The following GPHN variants were observed in gnomAD, a reference collection of about 807,000 sequenced individuals.
GPHN encodes the protein gephyrin.
GPHN carries 17 observed loss-of-function variants against 95.5 expected under a neutral mutation model. That is an observed-to-expected ratio of 0.18 (90% confidence interval 0.12 to 0.27). The LOEUF (loss-of-function observed/expected upper bound fraction) is 0.27. Among genes scored for constraint, GPHN ranks in the 10% least tolerant of loss-of-function variants. The pLI, the probability that GPHN is intolerant of heterozygous loss-of-function variation, is 1.00. For synonymous variants in GPHN, 320 were observed against 322.5 expected, an observed-to-expected ratio of 0.99 and a Z score of 0.08; for missense variants, 660 against 978.1, an observed-to-expected ratio of 0.67 and a Z score of 4.34.
At chr14:66,691,762 T>C (rs2067797542) in intron 2 of GPHN, among the ~76,000 whole-genome samples, 1 of 152,112 alleles carries the variant, frequency 6.6e-6, no homozygotes, top group Admixed American at 6.5e-5. Flanking sequence ...AGCTAAATAA[T>C]TTATCAGTAT....
the GPHN span, among the ~76,000 whole-genome samples, chr14:67,700,128 G>GA: frequency 2.3e-4 from 33 of 141,954 alleles, no homozygotes; most frequent in Admixed American, 3.5e-4. Flanking sequence ...GACAGAGCGA[G>GA]AAAAAAAAAA....
chr14:67,086,377 C>T (rs951772455), intron 11 of GPHN, among the ~76,000 whole-genome samples: 5 of 152,106 alleles, frequency 3.3e-5, no homozygotes, highest in Non-Finnish European at 5.9e-5. Context: ...TCTGGTCGGG[C>T]GCGGTGGCTC....
the GPHN span, among the ~76,000 whole-genome samples, chr14:67,187,586 T>C: frequency 6.6e-6 from 1 of 152,212 alleles, no homozygotes; most frequent in African/African-American, 2.4e-5. Flanking sequence ...TAACACTCTT[T>C]ATTAGAGCTA....
the GPHN span, chr14:67,345,667 A>G: frequency 1.4e-6 from 1 of 704,394 alleles, no homozygotes; most frequent in South Asian, 1.8e-5. Flanking sequence ...GGAACAGTTA[A>G]AAGTACAAAG....
chr14:67,664,927 C>T, the GPHN span, among the ~76,000 whole-genome samples: 1 of 152,176 alleles, frequency 6.6e-6, no homozygotes, highest in Non-Finnish European at 1.5e-5. Context: ...AGTGCCGTGG[C>T]GTCATCTCAG....
chr14:66,926,574 G>A (rs1435324643), intron 8 of GPHN, among the ~76,000 whole-genome samples: 1 of 152,034 alleles, frequency 6.6e-6, no homozygotes, highest in Non-Finnish European at 1.5e-5. Context: ...ATATGGATTT[G>A]TTTCTAGGTT....
chr14:67,585,346 G>T, the GPHN span: 10 of 533,414 alleles, frequency 1.9e-5, no homozygotes, highest in Admixed American at 3.4e-4. Context: ...CTTTGAGATG[G>T]TTAGTAGGTG....
At chr14:67,020,020 T>C (rs1038723540) in intron 9 of GPHN, among the ~76,000 whole-genome samples, 2 of 152,150 alleles carry the variant, frequency 1.3e-5, no homozygotes, top group African/African-American at 4.8e-5. Flanking sequence ...GGTAAATGGA[T>C]GGTTATACAT....
At chr14:67,634,608 A>T in the GPHN span, among the ~76,000 whole-genome samples, 1 of 151,694 alleles carries the variant, frequency 6.6e-6, no homozygotes, top group Non-Finnish European at 1.5e-5. Flanking sequence ...AAAAAAAAAA[A>T]AAGCTAGTAG....
At chr14:66,540,986 C>T (rs961370890) in intron 1 of GPHN, among the ~76,000 whole-genome samples, 1 of 151,506 alleles carries the variant, frequency 6.6e-6, no homozygotes, top group Admixed American at 6.6e-5. Context: ...CTCCCACTGT[C>T]ACCCAGGGTG....
the GPHN span, among the ~76,000 whole-genome samples, chr14:67,446,899 G>T: frequency 0.036 from 5,486 of 151,974 alleles, 327 homozygotes; most frequent in African/African-American, 0.13. Context: ...TCACAGCCAC[G>T]TCCATTTGTT....
the GPHN span, chr14:67,722,513 C>G: frequency 1.1e-5 from 9 of 813,888 alleles, no homozygotes; most frequent in South Asian, 8.0e-5. Context: ...CTGCTCAGCA[C>G]CCAGGACGGA....
intron 1 of GPHN, among the ~76,000 whole-genome samples, chr14:66,651,284 G>A (rs1381006041): frequency 6.6e-6 from 1 of 152,156 alleles, no homozygotes; most frequent in Non-Finnish European, 1.5e-5. Flanking sequence ...GTCGCTTCAG[G>A]GGAGAACAAC....
the GPHN span, among the ~76,000 whole-genome samples, chr14:67,265,895 C>G: frequency 6.6e-6 from 1 of 151,328 alleles, no homozygotes; most frequent in Non-Finnish European, 1.5e-5. Flanking sequence ...CAAAGTAAAC[C>G]CAGGACATTT....
chr14:66,574,252 G>T (rs1331341939), intron 1 of GPHN, among the ~76,000 whole-genome samples: 1 of 151,922 alleles, frequency 6.6e-6, no homozygotes, highest in East Asian at 1.9e-4. Flanking sequence ...GCTGATAATT[G>T]ATTTAACTTT....
At chr14:66,531,487 T>C (rs2058937065) in intron 1 of GPHN, among the ~76,000 whole-genome samples, 1 of 152,188 alleles carries the variant, frequency 6.6e-6, no homozygotes, top group South Asian at 2.1e-4. Context: ...GAAACATTCA[T>C]TTCTGATTTT....
the GPHN span, chr14:67,650,435 C>T: frequency 8.3e-3 from 3,409 of 408,616 alleles, 24 homozygotes; most frequent in Non-Finnish European, 0.011. Flanking sequence ...TTTCCTTTTC[C>T]AGAACGCCTG....
chr14:67,166,830 T>C (rs35556075), intron 20 of GPHN, among the ~76,000 whole-genome samples: 2,550 of 152,218 alleles, frequency 0.017, 27 homozygotes, highest in Non-Finnish European at 0.025. Flanking sequence ...CTACCACCCC[T>C]GGCTAATTTT....
At chr14:67,662,091 G>A in the GPHN span, among the ~76,000 whole-genome samples, 1 of 151,754 alleles carries the variant, frequency 6.6e-6, no homozygotes, top group African/African-American at 2.4e-5. Flanking sequence ...GGGAGGTGGA[G>A]CTTGCAGTGA....
Sources: gnomAD v4.1 joint callset for allele counts (sites outside exome capture counted in the v4.1 genomes callset) on GRCh38, gnomAD v4.1.1 for gene constraint, MANE v1.5 for transcripts, NCBI Gene and HGNC (gene_info 2026-07-23, HGNC 2026-07-21) for gene names.